Variants in ANKS1B observed in about 807,000 individuals in gnomAD.
ANKS1B encodes the protein ankyrin repeat and sterile alpha motif domain-containing protein 1B.
ANKS1B carries 36 observed loss-of-function variants against 148.3 expected under a neutral mutation model. That is an observed-to-expected ratio of 0.24 (90% CI 0.19 to 0.32). The LOEUF (loss-of-function observed/expected upper bound fraction) is 0.32. Ranked by LOEUF, ANKS1B falls within the 10% of genes least tolerant of loss-of-function variation. The pLI is 1.00. For missense variants in ANKS1B, 1,157 were observed against 1,542.6 expected, an observed-to-expected ratio of 0.75 and a Z score of 4.19; for synonymous variants, 542 against 560.8, an observed-to-expected ratio of 0.97 and a Z score of 0.47.
intron 17 of ANKS1B, among the ~76,000 whole-genome samples, chr12:98,860,463 T>C (rs1246144471): frequency 6.6e-6 from 1 of 152,138 alleles, no homozygotes; most frequent in East Asian, 1.9e-4. Flanking sequence ...ACAAGCACAC[T>C]ACAGCCCTCA....
At chr12:99,703,867 G>C (rs761683399) in intron 8 of ANKS1B, among the ~76,000 whole-genome samples, 2 of 151,982 alleles carry the variant, frequency 1.3e-5, no homozygotes, top group Non-Finnish European at 2.9e-5. Flanking sequence ...TCTAAAATAG[G>C]AATATTTTAA....
chr12:99,476,274 T>C (rs1480586555), intron 10 of ANKS1B, among the ~76,000 whole-genome samples: 2 of 152,106 alleles, frequency 1.3e-5, no homozygotes, highest in African/African-American at 4.8e-5. Flanking sequence ...ACGCTTGTAA[T>C]CCCAGCTACT....
At chr12:99,725,226 G>A (rs1020147263) in intron 8 of ANKS1B, among the ~76,000 whole-genome samples, 3 of 152,122 alleles carry the variant, frequency 2.0e-5, no homozygotes, top group Admixed American at 6.5e-5. Context: ...TGGATAAAGA[G>A]TCAAGACCCA....
chr12:98,928,507 T>C (rs2099810830), intron 17 of ANKS1B, among the ~76,000 whole-genome samples: 1 of 151,978 alleles, frequency 6.6e-6, no homozygotes, highest in South Asian at 2.1e-4. Flanking sequence ...CAATATATCT[T>C]ATGCATATTG....
chr12:99,764,500 G>A (rs1024716789), intron 8 of ANKS1B, among the ~76,000 whole-genome samples: 1 of 152,144 alleles, frequency 6.6e-6, no homozygotes, highest in African/African-American at 2.4e-5. Flanking sequence ...TTGGCTCACT[G>A]CAACCTCCAC....
At chr12:99,396,301 C>G (rs1400711093) in intron 12 of ANKS1B, among the ~76,000 whole-genome samples, 1 of 151,952 alleles carries the variant, frequency 6.6e-6, no homozygotes, top group Non-Finnish European at 1.5e-5. Context: ...CTTTATATAC[C>G]CAGTGGCAAT....
rs146474487 is a variant in ANKS1B at position 99,079,527 on chromosome 12, C to CA, written c.2625+5397dup. Among the ~76,000 whole-genome samples the CA allele has an allele frequency of 3.9e-3, 590 of 152,210 alleles. 2 individuals are homozygous for CA. Among genetic ancestry groups the CA allele is most frequent in the African/African-American group, 0.014 (577 of 41,524 alleles). ...GAACAAAAGTGAATACCAGACGTCG[C>CA]ACTAAGATCAAGAGTCCTGTGATAA... On this transcript the variant is annotated intron_variant, in intron 16 of 26. Transcript: ENST00000683438.
chr12:98,862,782 A>C (rs915992937), intron 17 of ANKS1B, among the ~76,000 whole-genome samples: 3 of 152,206 alleles, frequency 2.0e-5, no homozygotes, highest in Non-Finnish European at 2.9e-5. Context: ...CCCCATAAAA[A>C]AGCTGTTCAG....
In ANKS1B at chr12:99,092,206, T is replaced by C. The variant is rs1298304974; in HGVS notation, c.2527-7183A>G. Among the ~76,000 whole-genome samples the C allele has an allele frequency of 3.9e-4, 60 of 152,182 alleles. 1 individual carries two copies. The highest frequency in any genetic ancestry group is 3.9e-3 in the Admixed American group (60 of 15,276). On this transcript the variant is annotated intron_variant, in intron 15 of 26. Transcript: ENST00000683438. ...AAGCTTCAACTTCTCTTTTGAAGTGTGGTGTCTCACTGGGTTGACACCATC... is the reference window on the plus strand; with the variant it reads ...AAGCTTCAACTTCTCTTTTGAAGTGCGGTGTCTCACTGGGTTGACACCATC...
At chr12:99,170,027 C>T (rs973307535) in intron 14 of ANKS1B, among the ~76,000 whole-genome samples, 3 of 152,146 alleles carry the variant, frequency 2.0e-5, no homozygotes, top group African/African-American at 7.2e-5. Flanking sequence ...ATTCTCCTTC[C>T]CCCCTTCACC....
chr12:99,142,326 A>T (rs2071177204), intron 15 of ANKS1B, among the ~76,000 whole-genome samples: 1 of 152,122 alleles, frequency 6.6e-6, no homozygotes, highest in Admixed American at 6.5e-5. Context: ...GTTGCCATTT[A>T]TAAATAATTT....
At chr12:99,342,490 A>T (rs922691936) in intron 12 of ANKS1B, among the ~76,000 whole-genome samples, 4 of 152,082 alleles carry the variant, frequency 2.6e-5, no homozygotes, top group African/African-American at 4.8e-5. Context: ...AACCCAACCA[A>T]TGTTCATTGA....
At chr12:98,774,511 A>T (rs2098647150) in intron 24 of ANKS1B, among the ~76,000 whole-genome samples, 2 of 152,240 alleles carry the variant, frequency 1.3e-5, no homozygotes, top group Non-Finnish European at 2.9e-5. Flanking sequence ...TAAAAAGAAA[A>T]AAAGAAAAAA....
intron 12 of ANKS1B, among the ~76,000 whole-genome samples, chr12:99,391,397 T>C (rs969791646): frequency 6.6e-6 from 1 of 152,250 alleles, no homozygotes; most frequent in Non-Finnish European, 1.5e-5. Context: ...CTCTCTGACC[T>C]GCAGTTTCAT....
rs193288369 is a variant in ANKS1B at position 99,559,639 on chromosome 12, A to G, written c.1273-54998T>C. Among the ~76,000 whole-genome samples, 289 of 152,314 alleles carry G rather than the reference A, an allele frequency of 1.9e-3. 1 individual carries two copies. The highest frequency in any genetic ancestry group is 6.7e-3 in the African/African-American group (279 of 41,562). On this transcript the variant is annotated intron_variant, in intron 9 of 26. Coordinates refer to ENST00000683438, the MANE Select transcript of ANKS1B (RefSeq NM_001352186.2). ...CCTTGTATAACCCTCACATAATTCA[A>G]TGAGGTAGGTTTTATTTTCCCTGTT...
At chr12:99,741,896 T>C (rs1335915745) in intron 8 of ANKS1B, among the ~76,000 whole-genome samples, 1 of 150,738 alleles carries the variant, frequency 6.6e-6, no homozygotes, top group South Asian at 2.1e-4. Context: ...ATAATGAAAA[T>C]AAATAAATAA....
intron 9 of ANKS1B, among the ~76,000 whole-genome samples, chr12:99,518,921 G>A (rs565023213): frequency 3.3e-5 from 5 of 151,946 alleles, no homozygotes; most frequent in African/African-American, 1.2e-4. Flanking sequence ...GGTATGTTGT[G>A]TTTCCATTAT....
chr12:98,760,135 G>C (rs1023049228), intron 25 of ANKS1B, among the ~76,000 whole-genome samples: 8 of 152,130 alleles, frequency 5.3e-5, no homozygotes, highest in African/African-American at 1.7e-4. Flanking sequence ...TATTGAGACT[G>C]GATGATTTCT....
intron 12 of ANKS1B, among the ~76,000 whole-genome samples, chr12:99,295,953 T>C (rs1262225018): frequency 6.6e-6 from 1 of 152,246 alleles, no homozygotes; most frequent in Non-Finnish European, 1.5e-5. Context: ...TTATGTTTTC[T>C]GCTAGCAATT....
Sources: allele counts gnomAD v4.1 joint callset (sites outside exome capture counted in the v4.1 genomes callset), GRCh38; gene constraint gnomAD v4.1.1; transcripts MANE v1.5; gene names NCBI Gene and HGNC (gene_info 2026-07-23, HGNC 2026-07-21).